EDNRB: variants seen among roughly 807,000 people sequenced by gnomAD.
EDNRB encodes endothelin receptor type B, also known as Hirschsprung disease 2.
A neutral mutation model predicts 46.4 loss-of-function variants in EDNRB; 18 were observed. The observed-to-expected ratio is 0.39, with a 90% confidence interval of 0.27 to 0.57. The LOEUF (loss-of-function observed/expected upper bound fraction) is 0.57, where lower values mean the gene tolerates loss of function less well. Among genes scored for constraint, EDNRB ranks in the 20% least tolerant of loss-of-function variants. The probability of loss-of-function intolerance (pLI) is 0.61; values close to 1 mark genes in which losing one functional copy is unlikely to be tolerated. For synonymous variants in EDNRB, 213 were observed against 204.9 expected (o/e 1.04, Z -0.34); for missense variants, 434 against 537.5 (o/e 0.81, Z 1.90).
chr13:77,906,220 ACT>A (rs1879271499), intron 1 of EDNRB, among the ~76,000 whole-genome samples: 1 of 151,688 alleles, frequency 6.6e-6, no homozygotes, highest in South Asian at 2.1e-4. Flanking sequence ...AATGGGGGAG[ACT>A]CAGTGCACCA....
At chr13:77,919,575 C>T (rs777501320), upstream of EDNRB, 1 of 1,611,922 alleles carries the variant, frequency 6.2e-7, no homozygotes, top group South Asian at 1.1e-5. Context: ...CCACCGTTTG[C>T]TCGGGGTCTC....
At chr13:77,900,682 A>G in intron 4 of EDNRB, 28 bp from the exon 5 acceptor site, 1 of 1,611,758 alleles carries the variant, frequency 6.2e-7, no homozygotes, top group Non-Finnish European at 8.5e-7. Context: ...TTTGACCCTT[A>G]AAAGATGGCT....
chr13:77,970,394 G>C (rs1881694697), intron 1 of EDNRB, among the ~76,000 whole-genome samples: 1 of 152,106 alleles, frequency 6.6e-6, no homozygotes. Context: ...TCGGCTGGGA[G>C]AATCGGCAAG....
At chr13:77,930,962 G>A (rs1038931131) in intron 1 of EDNRB, among the ~76,000 whole-genome samples, 7 of 152,064 alleles carry the variant, frequency 4.6e-5, no homozygotes, top group Admixed American at 4.6e-4. Flanking sequence ...CTCTAAATGT[G>A]TATTATCCAT....
intron 1 of EDNRB, among the ~76,000 whole-genome samples, chr13:77,943,569 T>C (rs1013525465): frequency 6.6e-6 from 1 of 152,146 alleles, no homozygotes; most frequent in Admixed American, 6.5e-5. Context: ...TGTTTTAAAA[T>C]CTAATCATTC....
At chr13:77,960,390 A>C (rs371084778) in intron 1 of EDNRB, among the ~76,000 whole-genome samples, 1 of 152,162 alleles carries the variant, frequency 6.6e-6, no homozygotes, top group African/African-American at 2.4e-5. Flanking sequence ...ATTCAACATT[A>C]TTAAAGAAAA....
chr13:77,970,095 A>T (rs1881686904), intron 1 of EDNRB, among the ~76,000 whole-genome samples: 2 of 152,214 alleles, frequency 1.3e-5, no homozygotes, highest in Admixed American at 6.5e-5. Flanking sequence ...CTACTTGATG[A>T]AGAAGCTTTG....
intron 1 of EDNRB, among the ~76,000 whole-genome samples, chr13:77,973,393 A>G (rs968633679): frequency 3.3e-5 from 5 of 152,210 alleles, no homozygotes; most frequent in South Asian, 2.1e-4. Flanking sequence ...AAGATTTTAT[A>G]GACTCTTTTT....
At chr13:77,943,794 C>T (rs1272516646) in intron 1 of EDNRB, among the ~76,000 whole-genome samples, 2 of 152,062 alleles carry the variant, frequency 1.3e-5, no homozygotes, top group Non-Finnish European at 2.9e-5. Context: ...AATATACCCA[C>T]ACTTCTGAGT....
intron 1 of EDNRB, among the ~76,000 whole-genome samples, chr13:77,971,427 A>C (rs536865484): frequency 6.6e-6 from 1 of 151,914 alleles, no homozygotes; most frequent in South Asian, 2.1e-4. Flanking sequence ...GCCTTTGGAA[A>C]CTCCATCTAG....
chr13:77,939,605 A>G lies in EDNRB; in HGVS notation c.-51-20981T>C, dbSNP rs544416857. 2.7e-3 allele frequency: 404 copies of G among 152,322 alleles called. 4 individuals are homozygous for G. Among genetic ancestry groups the G allele is most frequent in the African/African-American group, 9.3e-3 (388 of 41,570 alleles). 9.4% of individuals were successfully genotyped at this position (152,322 alleles called of 1,614,324 possible). On this transcript the variant is annotated intron_variant, in intron 1 of 7. Transcript: ENST00000646948. ...AATTGCTTGCAAATTAAATGAGATA[A>G]TGATGCTAAAGGATTCATACATTGT... is the stretch of plus-strand genomic sequence containing the variant.
At chr13:77,940,071 T>C (rs1880699183) in intron 1 of EDNRB, 1 of 152,086 alleles carries the variant, frequency 6.6e-6, no homozygotes, top group Non-Finnish European at 1.5e-5. Flanking sequence ...TCTTATAAAA[T>C]TCATGTCATG....
At chr13:77,903,777 A>G (rs1409341027) in intron 1 of EDNRB, among the ~76,000 whole-genome samples, 170 bp from the exon 2 acceptor site, 3 of 151,946 alleles carry the variant, frequency 2.0e-5, no homozygotes, top group Non-Finnish European at 4.4e-5. Flanking sequence ...TATGTATGGG[A>G]CAGGAAAGTG....
At position 77,897,069 on chromosome 13, in the gene EDNRB, A is replaced by G. The variant is rs142394468; in HGVS notation, c.*1131T>C. 6.6e-5 allele frequency: 65 copies of G among 986,170 alleles called. No individual in the cohort carries two copies. Among genetic ancestry groups the G allele is most frequent in the Admixed American group, 1.2e-4 (2 of 16,286 alleles). 61.1% of individuals were successfully genotyped at this position (986,170 alleles called of 1,614,324 possible). ...AAAATAGTATTTTAACTATAGCATTATACATATGCTAGAAACCATTTTAAC... is the reference window on the plus strand; with the variant it reads ...AAAATAGTATTTTAACTATAGCATTGTACATATGCTAGAAACCATTTTAAC... On this transcript the variant is annotated 3_prime_UTR_variant, in exon 7 of 7. Coordinates refer to ENST00000646607, the MANE Select transcript of EDNRB (RefSeq NM_001122659.3).
rs1878719886 is a variant in EDNRB at position 77,897,968 on chromosome 13, T to C, written c.*232A>G. 3.1e-6 allele frequency: 4 copies of C among 1,303,734 alleles called. No homozygotes were observed. Among genetic ancestry groups the C allele is most frequent in the Non-Finnish European group, 3.9e-6 (4 of 1,020,086 alleles). The allele number at this position is 1,303,734 out of a possible 1,614,324, so 80.8% of individuals were successfully genotyped here. A position where few individuals can be genotyped will look rare whatever the true frequency, so the allele number is the denominator to read the frequency against. On this transcript the variant is annotated 3_prime_UTR_variant, in exon 7 of 7. Coordinates refer to ENST00000646607, the MANE Select transcript of EDNRB (RefSeq NM_001122659.3). ...TGTTGAAGTGCTAACTGTAAAAAAT[T>C]AAGTGCTTTCACGACGAGGCTTTCT...
chr13:77,901,215 G>T lies in EDNRB; in HGVS notation c.802-8C>A, dbSNP rs765690914. ...TTTTGCTGTCTTGTAAAACTATAGG[G>T]ATGAGAGAATTTTTACGATTAATAC... On this transcript the variant is annotated splice_region_variant and splice_polypyrimidine_tract_variant and intron_variant, in intron 3 of 6. Transcript: ENST00000646607. 4 of 1,609,588 alleles carry T rather than the reference G, an allele frequency of 2.5e-6. No homozygotes were observed. The Admixed American group carries it at 5.0e-5, about 20-fold the overall frequency.
intron 1 of EDNRB, among the ~76,000 whole-genome samples, chr13:77,952,567 C>CAT (rs1881121308): frequency 2.6e-5 from 4 of 152,054 alleles, no homozygotes; most frequent in Non-Finnish European, 5.9e-5. Flanking sequence ...ATGCCTCTGA[C>CAT]ATATATATAG....
intron 1 of EDNRB, among the ~76,000 whole-genome samples, chr13:77,956,076 T>C (rs2137679231): frequency 6.6e-6 from 1 of 152,292 alleles, no homozygotes; most frequent in Non-Finnish European, 1.5e-5. Flanking sequence ...CATTGGGATT[T>C]TGACAGAGAT....
At chr13:77,948,896 G>A (rs1226893581) in intron 1 of EDNRB, among the ~76,000 whole-genome samples, 1 of 152,124 alleles carries the variant, frequency 6.6e-6, no homozygotes, top group Admixed American at 6.6e-5. Context: ...ACCTTGGGAA[G>A]TAAAACATAA....
Sources: gnomAD v4.1 joint callset for allele counts (sites outside exome capture counted in the v4.1 genomes callset) on GRCh38, gnomAD v4.1.1 for gene constraint, MANE v1.5 for transcripts, NCBI Gene and HGNC (gene_info 2026-07-23, HGNC 2026-07-21) for gene names.